AQR: variants seen among roughly 807,000 people sequenced by gnomAD.
AQR encodes aquarius intron-binding spliceosomal factor.
AQR carries 61 observed loss-of-function variants against 180.5 expected under a neutral mutation model. The ratio of observed to expected loss-of-function variants is 0.34; its 90% CI spans 0.28 to 0.42. The LOEUF is 0.42. Among genes scored for constraint, AQR ranks in the 10% least tolerant of loss-of-function variants. The pLI, the probability that AQR is intolerant of heterozygous loss-of-function variation, is 1.00. For synonymous variants in AQR, 551 were observed against 588.8 expected (o/e 0.94, Z 0.93); for missense variants, 1,281 against 1,798.3 (o/e 0.71, Z 5.20).
chr15:34,878,385 CAAAAAAAAAAAAAAAA>C (rs5811839), intron 27 of AQR, among the ~76,000 whole-genome samples: 1 of 41,660 alleles, frequency 2.4e-5, no homozygotes, highest in Admixed American at 2.7e-4. Flanking sequence ...GACTCTGTCT[CAAAAAAAAAAAAAAAA>C]AAAAAAAAAG....
chr15:34,897,546 G>A lies in AQR; in HGVS notation c.2390+13C>T. 3.1e-6 allele frequency: 5 copies of A among 1,612,526 alleles called. 1 individual carries two copies. The Middle Eastern group carries it at 5.0e-4, about 160-fold the overall frequency. On this transcript the variant is annotated intron_variant, in intron 21 of 34. Transcript: ENST00000156471. Reference sequence around the variant, plus strand: ...TTGTTCATCATTACAATTATAATAGGTAGTAAAATTACCGTTTGGGTTGAT... The same window carrying A: ...TTGTTCATCATTACAATTATAATAGATAGTAAAATTACCGTTTGGGTTGAT...
chr15:34,874,574 T>C (rs775479403), intron 29 of AQR, 103 bp downstream of exon 29: 276 of 1,396,572 alleles, frequency 2.0e-4, no homozygotes, highest in Non-Finnish European at 2.6e-4. Context: ...AGTTCCTGGA[T>C]AGCCAAGAAT....
chr15:34,916,882 C>CAAAAAAAAAAAAAAAAAAAAA (rs71119988), intron 15 of AQR, among the ~76,000 whole-genome samples: 1 of 79,234 alleles, frequency 1.3e-5, no homozygotes, highest in Admixed American at 1.4e-4. Context: ...TTCAGCAGAA[C>CAAAAAAAAAAAAAAAAAAAAA]AAAAAAAAAA....
intron 24 of AQR, among the ~76,000 whole-genome samples, chr15:34,886,920 C>G (rs1048352328): frequency 1.3e-5 from 2 of 151,486 alleles, no homozygotes; most frequent in Non-Finnish European, 2.9e-5. Context: ...GTTAGGAGAT[C>G]GAGACCATCA....
intron 8 of AQR, among the ~76,000 whole-genome samples, chr15:34,939,613 C>T (rs1044302043): frequency 4.6e-5 from 7 of 152,092 alleles, no homozygotes; most frequent in African/African-American, 1.7e-4. Context: ...CATTAATGAA[C>T]AGACATGTAT....
intron 12 of AQR, among the ~76,000 whole-genome samples, chr15:34,929,870 G>A (rs544193765): frequency 2.0e-5 from 3 of 152,220 alleles, no homozygotes; most frequent in South Asian, 2.1e-4. Flanking sequence ...TTTTTTGGGC[G>A]TATCTGAATT....
intron 23 of AQR, 100 bp downstream of exon 23, chr15:34,893,563 C>T (rs963570619): frequency 8.4e-6 from 8 of 955,136 alleles, no homozygotes; most frequent in Non-Finnish European, 1.3e-5. Context: ...CACTTACCTC[C>T]CCCTCAACCC....
chr15:34,866,055 C>T (rs773380392), intron 32 of AQR, among the ~76,000 whole-genome samples: 2 of 152,050 alleles, frequency 1.3e-5, no homozygotes, highest in Admixed American at 6.6e-5. Flanking sequence ...ACGCAAATTA[C>T]AACTCAATAA....
intron 4 of AQR, among the ~76,000 whole-genome samples, chr15:34,949,310 T>A (rs149532803): frequency 0.021 from 1,364 of 63,698 alleles, 69 homozygotes; most frequent in Admixed American, 0.18. Flanking sequence ...ACTTTAAGGC[T>A]CTTCTTAAAG....
intron 1 of AQR, among the ~76,000 whole-genome samples, chr15:34,969,046 A>G (rs1273432177): frequency 7.2e-5 from 11 of 152,196 alleles, no homozygotes; most frequent in Admixed American, 6.5e-5. Context: ...CTCTCAAACT[A>G]CAGAATTACT....
chr15:34,899,408 G>A (rs1306873984), intron 20 of AQR, among the ~76,000 whole-genome samples: 1 of 151,886 alleles, frequency 6.6e-6, no homozygotes. Context: ...ATAGAGTCTC[G>A]CTCTGTCTCA....
intron 32 of AQR, among the ~76,000 whole-genome samples, chr15:34,863,841 TA>T (rs1220632820): frequency 6.6e-6 from 1 of 152,180 alleles, no homozygotes; most frequent in African/African-American, 2.4e-5. Context: ...CACTATTAAA[TA>T]AAATGTGTTT....
At chr15:34,926,928 A>G (rs1595799780) in intron 13 of AQR, 107 bp downstream of exon 13, 1 of 549,816 alleles carries the variant, frequency 1.8e-6, no homozygotes, top group East Asian at 3.5e-5. Context: ...TGAAATAACA[A>G]GTAATATTAT....
At chr15:34,866,581 G>A (rs1008282263) in intron 32 of AQR, among the ~76,000 whole-genome samples, 1 of 152,062 alleles carries the variant, frequency 6.6e-6, no homozygotes, top group African/African-American at 2.4e-5. Context: ...GGTAGGGAGA[G>A]GAGGGGGGCG....
Position 34,853,441 on chromosome 15 carries a change from A to G in AQR, c.*3351T>C, listed in dbSNP as rs1892543008. ...TCAGCTCCATATTTCAGAAAGACCT[A>G]ATGTCTTCCTTCTGCTTATACTGTT... On this transcript the variant is annotated 3_prime_UTR_variant, in exon 35 of 35. Transcript: ENST00000156471. 1 of 152,144 alleles carries G rather than the reference A, an allele frequency of 6.6e-6. No homozygotes were observed. Among genetic ancestry groups the G allele is most frequent in the South Asian group, 2.1e-4 (1 of 4,830 alleles). The allele number at this position is 152,144 out of a possible 1,614,324, so 9.4% of individuals were successfully genotyped here. A position where few individuals can be genotyped will look rare whatever the true frequency, so the allele number is the denominator to read the frequency against.
At chr15:34,862,668 G>A (rs1221883764) in intron 33 of AQR, among the ~76,000 whole-genome samples, 199 bp downstream of exon 33, 3 of 152,094 alleles carry the variant, frequency 2.0e-5, no homozygotes, top group South Asian at 2.1e-4. Context: ...AAAGTGCTGG[G>A]ATTACAGGCA....
chr15:34,958,414 G>A (rs529952050), intron 3 of AQR, among the ~76,000 whole-genome samples: 2 of 152,220 alleles, frequency 1.3e-5, no homozygotes, highest in East Asian at 3.9e-4. Context: ...TACTCGGGAG[G>A]CTAAGGTTGG....
intron 2 of AQR, among the ~76,000 whole-genome samples, chr15:34,963,062 A>T (rs2050288832): frequency 6.6e-6 from 1 of 152,186 alleles, no homozygotes; most frequent in African/African-American, 2.4e-5. Flanking sequence ...CTGCAGCCTC[A>T]AGCTCCTGGG....
rs911611780 is a variant in AQR at position 34,853,833 on chromosome 15, TAG to T, written c.*2957_*2958del. 6.6e-6 allele frequency: 1 copy of T among 152,176 alleles called. No individual in the cohort carries two copies. The highest frequency in any genetic ancestry group is 2.4e-5 in the African/African-American group (1 of 41,438). 9.4% of individuals were successfully genotyped at this position (152,176 alleles called of 1,614,324 possible). A position where few individuals can be genotyped will look rare whatever the true frequency, so the allele number is the denominator to read the frequency against. On this transcript the variant is annotated 3_prime_UTR_variant, in exon 35 of 35. Coordinates refer to ENST00000156471, the MANE Select transcript of AQR (RefSeq NM_014691.3). Reference sequence around the variant, plus strand: ...TATTTACAGATAAAGAAAATGGGCTTAGAGAGGTTATAAAATTTGTCTAAGGT... The same window carrying T: ...TATTTACAGATAAAGAAAATGGGCTTAGAGGTTATAAAATTTGTCTAAGGT...
Sources: allele counts gnomAD v4.1 joint callset (sites outside exome capture counted in the v4.1 genomes callset), GRCh38; gene constraint gnomAD v4.1.1; transcripts MANE v1.5; gene names NCBI Gene and HGNC (gene_info 2026-07-23, HGNC 2026-07-21).